The following PALS2 variants were observed in gnomAD, a reference collection of about 807,000 sequenced individuals.
The protein encoded by PALS2 is protein associated with LIN7 2, MAGUK p55 family member, also known as protein PALS2.
PALS2 carries 27 observed loss-of-function variants against 61.6 expected under a neutral mutation model. The ratio of observed to expected loss-of-function variants is 0.44; its 90% CI spans 0.32 to 0.60. PALS2 has a LOEUF of 0.60. Among genes scored for constraint, PALS2 ranks in the 20% least tolerant of loss-of-function variants. The probability of loss-of-function intolerance (pLI) is 0.05; values close to 1 mark genes in which losing one functional copy is unlikely to be tolerated. For missense variants in PALS2, 554 were observed against 639.4 expected (o/e 0.87, Z 1.44); for synonymous variants, 236 against 218.6 (o/e 1.08, Z -0.70).
At position 24,596,553 on chromosome 7, in the gene PALS2, T is replaced by C. The variant is rs976013622; in HGVS notation, c.-3+22960T>C. Among the ~76,000 whole-genome samples the C allele has an allele frequency of 6.6e-6, 1 of 152,194 alleles. No individual in the cohort carries two copies. Among genetic ancestry groups the C allele is most frequent in the African/African-American group, 2.4e-5 (1 of 41,458 alleles). ...TGTGTAAAACATTTTCAAACAATTT[T>C]GATTCATTATACTACATATTTTCTT... On this transcript the variant is annotated intron_variant, in intron 1 of 11. Transcript: ENST00000222644. The surrounding 1 kb of genome is among the most constrained non-coding windows in gnomAD (Gnocchi z 4.5).
chr7:24,693,058 G>A lies in PALS2; in HGVS notation c.*5444G>A, dbSNP rs1460593195. The stretch of plus-strand genomic sequence containing the variant: ...TCCACATACAAAAGTCGATCAGAAG[G>A]GATAGTTCTCTTCCTTTTTTTCCCC... On this transcript the variant is annotated 3_prime_UTR_variant, in exon 12 of 12. Transcript: ENST00000222644. The A allele has an allele frequency of 6.6e-6, 1 of 152,068 alleles. No homozygotes were observed. The highest frequency in any genetic ancestry group is 6.5e-5 in the Admixed American group (1 of 15,276). 9.4% of individuals were successfully genotyped at this position (152,068 alleles called of 1,614,324 possible). A position where few individuals can be genotyped will look rare whatever the true frequency, so the allele number is the denominator to read the frequency against.
At chr7:24,652,395 T>C (rs772117336) in intron 5 of PALS2, among the ~76,000 whole-genome samples, 8 of 152,184 alleles carry the variant, frequency 5.3e-5, no homozygotes, top group African/African-American at 1.4e-4. Flanking sequence ...ACATTTAGCC[T>C]TGTTTAAACA....
At chr7:24,599,525 T>TTTG (rs4000763) in intron 1 of PALS2, among the ~76,000 whole-genome samples, 4 of 143,624 alleles carry the variant, frequency 2.8e-5, no homozygotes, top group African/African-American at 7.9e-5. Context: ...TTTTTTTTTT[T>TTTG]ATGGAGTCTT....
intron 11 of PALS2, among the ~76,000 whole-genome samples, chr7:24,682,928 G>T (rs959059199): frequency 2.0e-5 from 3 of 152,134 alleles, no homozygotes; most frequent in African/African-American, 7.2e-5. Flanking sequence ...AGGTTGGTCA[G>T]ACACAGATTC....
intron 1 of PALS2, among the ~76,000 whole-genome samples, chr7:24,610,205 A>G (rs565340833): frequency 1.2e-4 from 18 of 152,232 alleles, no homozygotes; most frequent in Admixed American, 1.0e-3. Flanking sequence ...TCATTCCCCC[A>G]TTTAACAGGT....
chr7:24,681,525 AT>A (rs780176633), intron 11 of PALS2, among the ~76,000 whole-genome samples: 1,573 of 138,524 alleles, frequency 0.011, 6 homozygotes, highest in Middle Eastern at 0.022. Context: ...TTTCTCCAAG[AT>A]TTTTTTTTTT....
At chr7:24,681,948 A>G (rs764832214) in intron 11 of PALS2, among the ~76,000 whole-genome samples, 3 of 152,158 alleles carry the variant, frequency 2.0e-5, no homozygotes, top group Non-Finnish European at 2.9e-5. Context: ...TGCAGGTTCT[A>G]ACATTTGAGT....
In PALS2 at chr7:24,648,811, A is replaced by G. The variant is rs1785980799; in HGVS notation, c.271-801A>G. On this transcript the variant is annotated intron_variant, in intron 3 of 11. Coordinates refer to ENST00000222644, the MANE Select transcript of PALS2 (RefSeq NM_001303037.2). ...TCCCAGCTACTTGGGAGGCTGAGGC[A>G]GGAGAATCACTTGAACCCAGGAAGT... is the stretch of plus-strand genomic sequence containing the variant. 3.3e-5 allele frequency among the ~76,000 whole-genome samples: 5 copies of G among 151,082 alleles called. No individual in the cohort carries two copies. The South Asian group carries it at 1.1e-3, about 32-fold the overall frequency.
intron 1 of PALS2, among the ~76,000 whole-genome samples, chr7:24,621,393 A>G (rs1371785213): frequency 6.6e-6 from 1 of 152,142 alleles, no homozygotes; most frequent in Non-Finnish European, 1.5e-5. Flanking sequence ...AAATACTGGT[A>G]AAAATGTGAG....
chr7:24,625,874 A>G (rs931646638), intron 2 of PALS2, among the ~76,000 whole-genome samples: 3 of 152,180 alleles, frequency 2.0e-5, no homozygotes, highest in Non-Finnish European at 4.4e-5. Context: ...GGTTAAAAAA[A>G]ATCCCAGGAA....
At chr7:24,601,106 AT>A (rs1032334848) in intron 1 of PALS2, among the ~76,000 whole-genome samples, 10 of 151,896 alleles carry the variant, frequency 6.6e-5, no homozygotes, top group Non-Finnish European at 1.5e-4. Flanking sequence ...GCTAATTCTT[AT>A]TTTTTTGGTT....
chr7:24,672,083 G>A (rs1787325572), intron 9 of PALS2, among the ~76,000 whole-genome samples: 1 of 149,754 alleles, frequency 6.7e-6, no homozygotes, highest in Non-Finnish European at 1.5e-5. Context: ...AAGGTAGCTA[G>A]AATTTTAAGA....
rs954006428 is a variant in PALS2 at position 24,664,216 on chromosome 7, A to G, written c.783+495A>G. Among the ~76,000 whole-genome samples the G allele has an allele frequency of 2.6e-5, 4 of 152,240 alleles. No homozygotes were observed. In the East Asian group the frequency reaches 7.7e-4, roughly 29 times the overall value. ...ATATTGGGAAATGGAGGTTCACTCTATCAGTTTTGTTTGGTTTTGGATTAA... is the reference window on the plus strand; with the variant it reads ...ATATTGGGAAATGGAGGTTCACTCTGTCAGTTTTGTTTGGTTTTGGATTAA... On this transcript the variant is annotated intron_variant, in intron 6 of 11. Transcript: ENST00000222644.
intron 5 of PALS2, among the ~76,000 whole-genome samples, chr7:24,660,542 A>AC (rs1786663692): frequency 2.6e-5 from 4 of 151,170 alleles, no homozygotes; most frequent in African/African-American, 9.9e-5. Flanking sequence ...TCCTATTGAC[A>AC]AACACACACA....
At chr7:24,644,772 G>A (rs1016775641) in intron 3 of PALS2, among the ~76,000 whole-genome samples, 5 of 151,832 alleles carry the variant, frequency 3.3e-5, no homozygotes, top group Admixed American at 2.0e-4. Context: ...AAGAAGGTAC[G>A]AGTGTTCCCT....
chr7:24,594,787 T>C (rs1783436553), intron 1 of PALS2, among the ~76,000 whole-genome samples: 1 of 152,120 alleles, frequency 6.6e-6, no homozygotes, highest in Non-Finnish European at 1.5e-5. Flanking sequence ...TGTATCGAAA[T>C]ACTACCCCAT....
intron 7 of PALS2, 54 bp from the exon 8 acceptor site, chr7:24,665,967 T>G: frequency 6.6e-7 from 1 of 1,522,012 alleles, no homozygotes; most frequent in Non-Finnish European, 9.0e-7. Context: ...TATAGGGCAA[T>G]TTTTTCATAT....
At chr7:24,639,861 C>T (rs1435102680) in intron 2 of PALS2, among the ~76,000 whole-genome samples, 4 of 141,878 alleles carry the variant, frequency 2.8e-5, no homozygotes, top group African/African-American at 1.1e-4. Context: ...CTGTCACCCA[C>T]GCTGGAGTGC....
At chr7:24,665,889 ACCT>A (rs1350828837) in intron 7 of PALS2, 129 bp from the exon 8 acceptor site, 3 of 992,002 alleles carry the variant, frequency 3.0e-6, no homozygotes, top group Non-Finnish European at 4.5e-6. Flanking sequence ...GGCTTAACTC[ACCT>A]CCACCCTCTT....
Sources: allele counts gnomAD v4.1 joint callset (sites outside exome capture counted in the v4.1 genomes callset), GRCh38; gene constraint gnomAD v4.1.1; non-coding constraint Gnocchi (gnomAD v3.1); transcripts MANE v1.5; gene names NCBI Gene and HGNC (gene_info 2026-07-23, HGNC 2026-07-21).